DSCAM: variants seen among roughly 807,000 people sequenced by gnomAD.
DSCAM encodes the protein cell adhesion molecule DSCAM.
Under a neutral mutation model 217.7 loss-of-function variants are expected in DSCAM, and 47 were observed. The observed-to-expected ratio is 0.22, with a 90% CI of 0.17 to 0.28. The LOEUF (loss-of-function observed/expected upper bound fraction) is 0.28. Among genes scored for constraint, DSCAM ranks in the 10% least tolerant of loss-of-function variants. The pLI, the probability that DSCAM is intolerant of heterozygous loss-of-function variation, is 1.00. For missense variants in DSCAM, 2,080 were observed against 2,618.3 expected (o/e 0.79, Z 4.49); for synonymous variants, 1,056 against 1,015.3 (o/e 1.04, Z -0.76).
intron 1 of DSCAM, among the ~76,000 whole-genome samples, chr21:40,754,703 C>G (rs1314182332): frequency 6.6e-6 from 1 of 152,180 alleles, no homozygotes; most frequent in Non-Finnish European, 1.5e-5. Flanking sequence ...GAAGTGCTGC[C>G]AGGAAATGGT....
At chr21:40,121,525 T>C (rs2090033097) in intron 20 of DSCAM, among the ~76,000 whole-genome samples, 1 of 152,086 alleles carries the variant, frequency 6.6e-6, no homozygotes, top group African/African-American at 2.4e-5. Flanking sequence ...TAACACTTTC[T>C]AGGTATTATC....
intron 1 of DSCAM, among the ~76,000 whole-genome samples, chr21:40,814,167 A>C (rs964089342): frequency 6.6e-6 from 1 of 152,206 alleles, no homozygotes. Context: ...CATACTAAAC[A>C]ACAGCTTTAT....
intron 14 of DSCAM, among the ~76,000 whole-genome samples, chr21:40,182,511 C>G (rs567670013): frequency 2.5e-4 from 38 of 151,378 alleles, no homozygotes; most frequent in African/African-American, 9.2e-4. Context: ...GACGGAGGCA[C>G]CGGAGAAACT....
At chr21:40,845,750 T>C (rs2092139974) in intron 1 of DSCAM, among the ~76,000 whole-genome samples, 1 of 152,192 alleles carries the variant, frequency 6.6e-6, no homozygotes, top group African/African-American at 2.4e-5. Flanking sequence ...TCCCAGGCGA[T>C]GTCAAATGAT....
rs181168197 is a variant in DSCAM, at chr21:40,575,211, C to A, written c.508+117599G>T. ...AGCTCCCCCACTGAGCACCCTGTGA[C>A]CCCCACTCCGGCCCTCCAGAGAACA... On this transcript the variant is annotated intron_variant, in intron 3 of 32. Transcript: ENST00000400454. 8.0e-4 allele frequency among the ~76,000 whole-genome samples: 40 copies of A among 50,114 alleles called. 1 individual carries two copies. The highest frequency in any genetic ancestry group is 1.6e-3 in the African/African-American group (37 of 22,428). 32.9% of individuals were successfully genotyped at this position (50,114 alleles called of 152,430 possible). A position where few individuals can be genotyped will look rare whatever the true frequency, so the allele number is the denominator to read the frequency against.
At chr21:40,057,312 T>C (rs1159783689) in intron 28 of DSCAM, among the ~76,000 whole-genome samples, 5 of 152,118 alleles carry the variant, frequency 3.3e-5, no homozygotes, top group African/African-American at 9.7e-5. Flanking sequence ...AAAAAGAGAG[T>C]AATGAAAAAA....
intron 3 of DSCAM, among the ~76,000 whole-genome samples, chr21:40,437,826 G>A (rs2075597054): frequency 6.6e-6 from 1 of 152,026 alleles, no homozygotes; most frequent in South Asian, 2.1e-4. Flanking sequence ...CTCCAACCTG[G>A]GCAAAAAGAG....
chr21:40,631,080 G>A (rs963851176), intron 3 of DSCAM, among the ~76,000 whole-genome samples: 1 of 152,178 alleles, frequency 6.6e-6, no homozygotes, highest in Non-Finnish European at 1.5e-5. Context: ...ACCATGTTAT[G>A]TAGCAGAAAT....
intron 8 of DSCAM, among the ~76,000 whole-genome samples, chr21:40,320,736 T>C (rs886848941): frequency 8.5e-5 from 13 of 152,084 alleles, no homozygotes; most frequent in African/African-American, 3.1e-4. Flanking sequence ...GATAAAACCA[T>C]CAGATCTCAT....
chr21:40,606,890 C>G (rs1453449420), intron 3 of DSCAM, among the ~76,000 whole-genome samples: 1 of 152,160 alleles, frequency 6.6e-6, no homozygotes. Context: ...ATAAGTCTCA[C>G]AAGATCTTAT....
intron 7 of DSCAM, 99 bp from the exon 8 acceptor site, chr21:40,338,475 T>A (rs192239485): frequency 2.1e-5 from 26 of 1,247,646 alleles, no homozygotes. Flanking sequence ...TAGATTATAT[T>A]CATGTAAGCA....
At chr21:40,036,319 A>G (rs1366450358) in intron 32 of DSCAM, among the ~76,000 whole-genome samples, 7 of 150,070 alleles carry the variant, frequency 4.7e-5, no homozygotes, top group Non-Finnish European at 1.0e-4. Context: ...TGCAATAAAA[A>G]ATGATAAAGG....
chr21:40,335,390 A>G (rs1365084799), intron 8 of DSCAM, among the ~76,000 whole-genome samples: 1 of 152,220 alleles, frequency 6.6e-6, no homozygotes, highest in East Asian at 1.9e-4. Flanking sequence ...TCATAAATAT[A>G]TTGTTTATAA....
At chr21:40,694,197 G>A (rs1385461883) in intron 2 of DSCAM, among the ~76,000 whole-genome samples, 1 of 152,144 alleles carries the variant, frequency 6.6e-6, no homozygotes, top group East Asian at 1.9e-4. Context: ...TTAGAGCTTT[G>A]TTTTCCTCAA....
intron 3 of DSCAM, among the ~76,000 whole-genome samples, chr21:40,647,228 T>C (rs921509115): frequency 2.6e-5 from 4 of 152,212 alleles, no homozygotes; most frequent in African/African-American, 9.6e-5. Context: ...GCCAATCGAT[T>C]TGCTCTGAAA....
intron 11 of DSCAM, among the ~76,000 whole-genome samples, chr21:40,259,663 T>TTTA (rs2073422383): frequency 1.2e-5 from 1 of 86,760 alleles, no homozygotes; most frequent in Non-Finnish European, 1.9e-5. Flanking sequence ...CAGCCATTCT[T>TTTA]TTTTTTTTTT....
chr21:40,457,022 A>G (rs2075769113), intron 3 of DSCAM, among the ~76,000 whole-genome samples: 2 of 152,322 alleles, frequency 1.3e-5, no homozygotes, highest in South Asian at 4.1e-4. Context: ...GACAAAGAAG[A>G]TGAGAGATAA....
intron 18 of DSCAM, among the ~76,000 whole-genome samples, chr21:40,137,040 G>C (rs1206713897): frequency 6.6e-6 from 1 of 151,902 alleles, no homozygotes; most frequent in Non-Finnish European, 1.5e-5. Flanking sequence ...CTGGCGTGGT[G>C]GTGGGCACCT....
At chr21:40,493,877 A>ATATATAT (rs1183118307) in intron 3 of DSCAM, among the ~76,000 whole-genome samples, 4 of 132,464 alleles carry the variant, frequency 3.0e-5, no homozygotes, top group African/African-American at 1.1e-4. Flanking sequence ...AAAAAAAAAA[A>ATATATAT]AAATATATAC....
Sources: allele counts gnomAD v4.1 joint callset (sites outside exome capture counted in the v4.1 genomes callset), GRCh38; gene constraint gnomAD v4.1.1; transcripts MANE v1.5; gene names NCBI Gene and HGNC (gene_info 2026-07-23, HGNC 2026-07-21).